ABCA13: variants seen among roughly 807,000 people sequenced by gnomAD.
ABCA13 encodes ATP-binding cassette sub-family A member 13.
In ABCA13, 476 loss-of-function variants were observed where a neutral mutation model predicts 478.7. The ratio of observed to expected loss-of-function variants is 0.99; its 90% confidence interval spans 0.92 to 1.07. The LOEUF (loss-of-function observed/expected upper bound fraction) is 1.07. Among genes scored for constraint, ABCA13 ranks in the 50% least tolerant of loss-of-function variants. ABCA13 has a pLI of 0.00. For synonymous variants in ABCA13, 2,252 were observed against 2,158.9 expected (o/e 1.04, Z -1.20); for missense variants, 6,060 against 5,910.6 (o/e 1.03, Z -0.83).
intron 42 of ABCA13, among the ~76,000 whole-genome samples, chr7:48,452,905 C>T (rs1318271509): frequency 6.6e-6 from 1 of 152,168 alleles, no homozygotes; most frequent in Non-Finnish European, 1.5e-5. Context: ...AATTCAAATA[C>T]TTATCCTAAT....
intron 17 of ABCA13, among the ~76,000 whole-genome samples, chr7:48,277,394 C>T (rs1053547883): frequency 3.3e-5 from 5 of 152,322 alleles, no homozygotes; most frequent in Middle Eastern, 6.8e-3. Flanking sequence ...TCTATGCCCT[C>T]TTTCAGAGTT....
intron 29 of ABCA13, among the ~76,000 whole-genome samples, chr7:48,338,764 A>G (rs1312016142): frequency 6.6e-6 from 1 of 152,176 alleles, no homozygotes; most frequent in Non-Finnish European, 1.5e-5. Flanking sequence ...AAAAGAAATT[A>G]TTATTATTAT....
At chr7:48,479,106 C>T (rs1344202064) in intron 45 of ABCA13, among the ~76,000 whole-genome samples, 4 of 151,612 alleles carry the variant, frequency 2.6e-5, no homozygotes, top group African/African-American at 9.7e-5. Flanking sequence ...CGCCACTACG[C>T]CCGGCTAATT....
intron 33 of ABCA13, 21 bp downstream of exon 33, chr7:48,372,518 A>G: frequency 8.4e-7 from 1 of 1,183,580 alleles, no homozygotes; most frequent in Non-Finnish European, 1.1e-6. Flanking sequence ...TGTTTTGTAA[A>G]AAAAAAAAAA....
Position 48,275,475 on chromosome 7 carries a change from G to A in ABCA13, c.5809G>A (p.Asp1937Asn). The A allele has an allele frequency of 3.1e-6, 5 of 1,613,826 alleles. No individual in the cohort carries two copies. The highest frequency in any genetic ancestry group is 2.5e-6 in the Non-Finnish European group (3 of 1,179,856). The change falls in exon 17 of 62, where the codon GAT (aspartate) becomes AAT (asparagine). Residue 1937 changes from aspartate (D) to asparagine (N), a missense_variant. Around this residue, in one of 3 missense-constraint regions of ABCA13, gnomAD observed 4,423 missense variants for 4,309.1 expected, o/e 1.03. Transcript: ENST00000435803. ...FVPPSINQTRDSISELCPSGS... is the reference protein window; with the variant it reads ...FVPPSINQTRNSISELCPSGS... ...CCCACCTTCAATAAATCAAACTAGG[G>A]ATAGCATCTCTGAACTCTGTCCTAG...
At chr7:48,579,927 T>C (rs924596006) in intron 55 of ABCA13, among the ~76,000 whole-genome samples, 2 of 152,178 alleles carry the variant, frequency 1.3e-5, no homozygotes, top group East Asian at 3.9e-4. Flanking sequence ...AATTTCCTTT[T>C]CAAAAGAAGA....
intron 55 of ABCA13, among the ~76,000 whole-genome samples, chr7:48,546,239 C>T (rs1343965164): frequency 6.6e-6 from 1 of 151,700 alleles, no homozygotes; most frequent in Non-Finnish European, 1.5e-5. Context: ...TCTCAGCAGC[C>T]ACTAGCAACA....
chr7:48,586,370 T>A (rs1455351523), intron 56 of ABCA13, among the ~76,000 whole-genome samples: 1 of 152,194 alleles, frequency 6.6e-6, no homozygotes, highest in Non-Finnish European at 1.5e-5. Flanking sequence ...TTTCTTTCCT[T>A]GTGTTAATAT....
At chr7:48,545,257 T>A (rs1199615666) in intron 55 of ABCA13, among the ~76,000 whole-genome samples, 1 of 151,750 alleles carries the variant, frequency 6.6e-6, no homozygotes, top group Non-Finnish European at 1.5e-5. Flanking sequence ...ACTGAAGGGG[T>A]AGGATCTAGA....
At chr7:48,626,036 G>A (rs1453791909) in intron 59 of ABCA13, among the ~76,000 whole-genome samples, 3 of 152,178 alleles carry the variant, frequency 2.0e-5, no homozygotes, top group African/African-American at 4.8e-5. Flanking sequence ...TATGATAATT[G>A]TTCTAAGAGA....
chr7:48,279,324 G>A lies in ABCA13; in HGVS notation c.8130G>A (p.Trp2710Ter). ...STHSGPQDIKWEIIHEVIPFL... is the reference protein window; with the variant it reads ...STHSGPQDIK Reference sequence around the variant, plus strand: ...ATAGTGGCCCTCAAGATATAAAATGGGAAATAATTCATGAAGTGATCCCTT... The same window carrying A: ...ATAGTGGCCCTCAAGATATAAAATGAGAAATAATTCATGAAGTGATCCCTT... The change falls in exon 18 of 62, where the codon TGG becomes TGA. Residue 2710 changes from tryptophan to a stop codon, truncating the protein, a stop_gained. Coordinates refer to ENST00000435803, the MANE Select transcript of ABCA13 (RefSeq NM_152701.5). LOFTEE classifies it high-confidence loss of function. 1 of 1,586,092 alleles carries A rather than the reference G, an allele frequency of 6.3e-7. No individual in the cohort carries two copies. Among genetic ancestry groups the A allele is most frequent in the Non-Finnish European group, 8.6e-7 (1 of 1,164,088 alleles).
chr7:48,352,134 A>G (rs1395649824), intron 30 of ABCA13, 47 bp from the exon 31 acceptor site: 1 of 1,548,528 alleles, frequency 6.5e-7, no homozygotes, highest in Non-Finnish European at 8.8e-7. Context: ...GGTTTGAGCC[A>G]CTCCCTACAG....
intron 3 of ABCA13, among the ~76,000 whole-genome samples, chr7:48,210,512 T>G (rs1177944539): frequency 1.3e-5 from 2 of 152,174 alleles, no homozygotes; most frequent in Non-Finnish European, 2.9e-5. Context: ...TTTTGCTGTA[T>G]CCCACAGGTT....
chr7:48,447,181 G>A (rs895825611), intron 42 of ABCA13, among the ~76,000 whole-genome samples: 10 of 152,164 alleles, frequency 6.6e-5, no homozygotes, highest in African/African-American at 2.4e-4. Context: ...CCTCAAAAGT[G>A]GGTAATGCAG....
At chr7:48,537,565 T>C (rs1020920524) in intron 55 of ABCA13, among the ~76,000 whole-genome samples, 2 of 152,154 alleles carry the variant, frequency 1.3e-5, no homozygotes, top group African/African-American at 2.4e-5. Flanking sequence ...ATTCCCCTAT[T>C]GATTAGGGTT....
At chr7:48,587,764 T>C (rs774085104) in intron 57 of ABCA13, among the ~76,000 whole-genome samples, 10 of 152,174 alleles carry the variant, frequency 6.6e-5, no homozygotes, top group Non-Finnish European at 1.2e-4. Context: ...GTATATGCAA[T>C]GGTCTTGAGA....
rs528092955 is a variant in ABCA13 at position 48,372,167 on chromosome 7, G to T, written c.10804-1G>T. ...CCTTGGGTTTTTTCTCTTTTTGGTA[G>T]TATATGCGGATGATGGGAGTGCATC... On this transcript the variant is annotated splice_acceptor_variant, in intron 32 of 61. Transcript: ENST00000435803. LOFTEE classifies it high-confidence loss of function. 3 of 1,609,646 alleles carry T rather than the reference G, an allele frequency of 1.9e-6. No individual in the cohort carries two copies. Among genetic ancestry groups the T allele is most frequent in the Non-Finnish European group, 2.5e-6 (3 of 1,177,004 alleles).
intron 15 of ABCA13, among the ~76,000 whole-genome samples, chr7:48,262,288 G>GT (rs1356446421): frequency 2.0e-5 from 3 of 151,922 alleles, no homozygotes; most frequent in Non-Finnish European, 4.4e-5. Context: ...TAGGAGAGGA[G>GT]TGGATGCCTG....
rs1182091691 is a variant in ABCA13, at chr7:48,529,894, AC to A, written c.14354+1550del. Among the ~76,000 whole-genome samples the A allele has an allele frequency of 3.3e-5, 5 of 152,274 alleles. 1 individual carries two copies. Among genetic ancestry groups the A allele is most frequent in the Admixed American group, 3.3e-4 (5 of 15,280 alleles). ...TGAAACAGTTTTCTACACTTTCTCT[AC>A]AGTAATGTCTCCTTTTTAAATTTTA... On this transcript the variant is annotated intron_variant, in intron 55 of 61. Transcript: ENST00000435803.
Sources: gnomAD v4.1 joint callset for allele counts (sites outside exome capture counted in the v4.1 genomes callset) on GRCh38, gnomAD v4.1.1 for gene constraint, gnomAD v4.1.1 regional missense constraint, MANE v1.5 for transcripts, NCBI Gene and HGNC (gene_info 2026-07-23, HGNC 2026-07-21) for gene names.